ADAMTS16: variants seen among roughly 807,000 people sequenced by gnomAD.
The protein encoded by ADAMTS16 is A disintegrin and metalloproteinase with thrombospondin motifs 16.
ADAMTS16 carries 94 observed loss-of-function variants against 145.8 expected under a neutral mutation model. That is an observed-to-expected ratio of 0.64 (90% CI 0.55 to 0.77). The LOEUF is 0.77. ADAMTS16 is among the 30% of genes least tolerant of loss of function. The pLI, the probability that ADAMTS16 is intolerant of heterozygous loss-of-function variation, is 0.00. For synonymous variants in ADAMTS16, 659 were observed against 604.3 expected (o/e 1.09, Z -1.33); for missense variants, 1,585 against 1,591.5 (o/e 1.00, Z 0.07).
At position 5,306,735 on chromosome 5, in the gene ADAMTS16, G is replaced by A. The variant is rs1321746211; in HGVS notation, c.3411+7G>A. 6.3e-7 allele frequency: 1 copy of A among 1,596,182 alleles called. No individual in the cohort carries two copies. Among genetic ancestry groups the A allele is most frequent in the Non-Finnish European group, 8.5e-7 (1 of 1,170,616 alleles). On this transcript the variant is annotated splice_region_variant and intron_variant, in intron 21 of 22. Coordinates refer to ENST00000274181, the MANE Select transcript of ADAMTS16 (RefSeq NM_139056.4). ...TGCCTCACCCTGGTCTCAGGTAGGG[G>A]AGGCCCTCGGTTCCTGGAGAGTGGG...
At chr5:5,163,166 A>C (rs1158131107) in intron 3 of ADAMTS16, among the ~76,000 whole-genome samples, 1 of 152,220 alleles carries the variant, frequency 6.6e-6, no homozygotes, top group East Asian at 1.9e-4. Flanking sequence ...TTGTGGAGAA[A>C]AATATGTAAC....
At chr5:5,159,198 A>G (rs976764793) in intron 3 of ADAMTS16, among the ~76,000 whole-genome samples, 14 of 152,270 alleles carry the variant, frequency 9.2e-5, no homozygotes, top group African/African-American at 3.1e-4. Context: ...CATGAACTCT[A>G]CATGAGAAGA....
At chr5:5,284,140 C>CT (rs1388745905) in intron 18 of ADAMTS16, among the ~76,000 whole-genome samples, 1 of 152,142 alleles carries the variant, frequency 6.6e-6, no homozygotes, top group Non-Finnish European at 1.5e-5. Context: ...TCTAATACTA[C>CT]TATAGTTGCC....
At position 5,182,113 on chromosome 5, in the gene ADAMTS16, C is replaced by T. The variant is rs749953279; in HGVS notation, c.571C>T (p.Leu191Phe). 5.6e-6 allele frequency: 9 copies of T among 1,614,078 alleles called. No homozygotes were observed. Among genetic ancestry groups the T allele is most frequent in the Non-Finnish European group, 7.6e-6 (9 of 1,180,026 alleles). Residue 191 changes from leucine (L) to phenylalanine (F), a missense_variant, in exon 4 of 23, where the codon CTC becomes TTC. By Grantham distance (22) the Leu-to-Phe change is conservative. Transcript: ENST00000274181. ...RPLPSHLSWK[L>F]GRAAQGSSPS... ...ACTTCCTTCACACCTCTCATGGAAA[C>T]TCGGCAGAGCTGCCCAAGGCAGCTC...
At chr5:5,247,297 C>T (rs773076138) in intron 17 of ADAMTS16, among the ~76,000 whole-genome samples, 6 of 152,152 alleles carry the variant, frequency 3.9e-5, no homozygotes, top group Non-Finnish European at 5.9e-5. Context: ...CTACTAAAAA[C>T]GTCTCCCGTT....
At chr5:5,193,793 G>A (rs1171173131) in intron 8 of ADAMTS16, among the ~76,000 whole-genome samples, 2 of 152,146 alleles carry the variant, frequency 1.3e-5, no homozygotes, top group African/African-American at 4.8e-5. Flanking sequence ...TGGAAAGTCA[G>A]AATCTAGATG....
chr5:5,232,223 A>G (rs929106940), intron 11 of ADAMTS16, 145 bp from the exon 12 acceptor site: 1 of 795,984 alleles, frequency 1.3e-6, no homozygotes, highest in African/African-American at 2.3e-5. Flanking sequence ...CTGTATTTAT[A>G]TTAGGTGCTG....
chr5:5,143,989 G>T (rs1734230969), intron 2 of ADAMTS16, among the ~76,000 whole-genome samples: 1 of 152,030 alleles, frequency 6.6e-6, no homozygotes, highest in Non-Finnish European at 1.5e-5. Flanking sequence ...GGGGGTGAGG[G>T]GCAAGGGGAG....
intron 2 of ADAMTS16, among the ~76,000 whole-genome samples, chr5:5,145,679 C>T (rs1443410450): frequency 6.6e-6 from 1 of 152,186 alleles, no homozygotes; most frequent in Non-Finnish European, 1.5e-5. Flanking sequence ...TGACTTATTT[C>T]ATCTGAGAAT....
At chr5:5,174,344 T>C (rs1328110754) in intron 3 of ADAMTS16, among the ~76,000 whole-genome samples, 3 of 152,122 alleles carry the variant, frequency 2.0e-5, no homozygotes, top group Non-Finnish European at 4.4e-5. Context: ...TTTTATGTTG[T>C]TTTTTCTTTT....
rs572260442 is a variant in ADAMTS16, at chr5:5,313,853, C to T, written c.3412-4281C>T. 5.9e-5 allele frequency among the ~76,000 whole-genome samples: 9 copies of T among 152,366 alleles called. No homozygotes were observed. In the East Asian group the frequency reaches 1.7e-3, roughly 29 times the overall value. On this transcript the variant is annotated intron_variant, in intron 21 of 22. Coordinates refer to ENST00000274181, the MANE Select transcript of ADAMTS16 (RefSeq NM_139056.4). Reference sequence around the variant, plus strand: ...GCTGGGTGAACGCTGCGCAGTCCATCCCAGGGTTATCCCCTGAACCCTGAT... The same window carrying T: ...GCTGGGTGAACGCTGCGCAGTCCATTCCAGGGTTATCCCCTGAACCCTGAT...
At chr5:5,192,490 T>G (rs1234659652) in intron 8 of ADAMTS16, among the ~76,000 whole-genome samples, 1 of 152,168 alleles carries the variant, frequency 6.6e-6, no homozygotes, top group African/African-American at 2.4e-5. Context: ...ATGCTATTTT[T>G]CATTGGTACT....
intron 7 of ADAMTS16, among the ~76,000 whole-genome samples, chr5:5,191,438 C>T (rs1019233785): frequency 1.3e-5 from 2 of 152,040 alleles, no homozygotes; most frequent in Non-Finnish European, 2.9e-5. Context: ...TTAGAGCCTG[C>T]ACCACGAACG....
chr5:5,213,538 A>G (rs1284390876), intron 10 of ADAMTS16, among the ~76,000 whole-genome samples: 2 of 152,194 alleles, frequency 1.3e-5, no homozygotes, highest in South Asian at 2.1e-4. Context: ...TGTTATAGAT[A>G]CTTCTATTAT....
At chr5:5,248,343 G>C (rs184321185) in intron 17 of ADAMTS16, among the ~76,000 whole-genome samples, 126 of 152,250 alleles carry the variant, frequency 8.3e-4, no homozygotes, top group Middle Eastern at 3.4e-3. Flanking sequence ...GGCCAGAGTT[G>C]GTTTCTGAAA....
intron 18 of ADAMTS16, among the ~76,000 whole-genome samples, chr5:5,268,903 T>A (rs1396150400): frequency 1.3e-5 from 2 of 152,096 alleles, no homozygotes; most frequent in Non-Finnish European, 2.9e-5. Context: ...CCTGGTGACC[T>A]GGAGAAGGAC....
chr5:5,242,619 C>G lies in ADAMTS16; in HGVS notation c.2662+428C>G, dbSNP rs565410375. ...TGTTCAAAACGTTTCCTGGAAAGAG[C>G]TTTGCCTGCAAGTCAGATAGTCAGA... is the stretch of plus-strand genomic sequence containing the variant. On this transcript the variant is annotated intron_variant, in intron 17 of 22. Coordinates refer to ENST00000274181, the MANE Select transcript of ADAMTS16 (RefSeq NM_139056.4). 2.4e-4 allele frequency among the ~76,000 whole-genome samples: 37 copies of G among 152,234 alleles called. No individual in the cohort carries two copies. The South Asian group carries it at 3.9e-3, about 16-fold the overall frequency.
chr5:5,168,747 AAT>A (rs1275439561), intron 3 of ADAMTS16, among the ~76,000 whole-genome samples: 2 of 138,564 alleles, frequency 1.4e-5, no homozygotes, highest in African/African-American at 5.3e-5. Flanking sequence ...TATAAAATAT[AAT>A]TATATAATTA....
intron 3 of ADAMTS16, among the ~76,000 whole-genome samples, chr5:5,159,180 C>G (rs976913183): frequency 6.6e-6 from 1 of 152,176 alleles, no homozygotes; most frequent in African/African-American, 2.4e-5. Context: ...AATAAATCAG[C>G]AGGAAAACAT....
Sources: allele counts gnomAD v4.1 joint callset (sites outside exome capture counted in the v4.1 genomes callset), GRCh38; gene constraint gnomAD v4.1.1; transcripts MANE v1.5; gene names NCBI Gene and HGNC (gene_info 2026-07-23, HGNC 2026-07-21).